The following MDM4 variants were observed in gnomAD, a reference collection of about 807,000 sequenced individuals.
MDM4 encodes MDM4 regulator of p53.
MDM4 carries 2 observed loss-of-function variants against 60.2 expected under a neutral mutation model. The observed-to-expected ratio is 0.03, with a 90% CI of 0.01 to 0.10. MDM4 has a LOEUF of 0.10. MDM4 is among the 10% of genes least tolerant of loss of function. The pLI is 1.00. For missense variants in MDM4, 447 were observed against 577.5 expected (o/e 0.77, Z 2.32); for synonymous variants, 202 against 198.1 (o/e 1.02, Z -0.17).
At chr1:204,532,738 C>G in intron 5 of MDM4, 2 of 1,604,542 alleles carry the variant, frequency 1.2e-6, no homozygotes, top group East Asian at 2.2e-5. Flanking sequence ...CTTAACTTTC[C>G]TTTTGTTTTC....
At chr1:204,547,543 G>A (rs148046785) in intron 10 of MDM4, among the ~76,000 whole-genome samples, 1 of 152,280 alleles carries the variant, frequency 6.6e-6, no homozygotes, top group East Asian at 1.9e-4. Flanking sequence ...ACATTTTGCT[G>A]CTTGGAAAGA....
chr1:204,519,499 C>T (rs1659335000), intron 1 of MDM4, among the ~76,000 whole-genome samples: 1 of 152,020 alleles, frequency 6.6e-6, no homozygotes, highest in African/African-American at 2.4e-5. Flanking sequence ...AAGAGCGAAA[C>T]TCCGTCTCAA....
intron 7 of MDM4, 144 bp from the exon 8 acceptor site, chr1:204,542,640 C>T (rs1475831276): frequency 3.3e-6 from 2 of 605,172 alleles, no homozygotes; most frequent in African/African-American, 1.9e-5. Context: ...GCCACTAAGA[C>T]AGATACTTGA....
intron 6 of MDM4, 178 bp from the exon 7 acceptor site, chr1:204,538,031 C>T: frequency 1.3e-6 from 1 of 769,314 alleles, no homozygotes; most frequent in Non-Finnish European, 2.4e-6. Context: ...TCTAGCTTTG[C>T]TCACAGTGGG....
chr1:204,553,110 T>TCATC lies in MDM4; in HGVS notation c.*3431_*3434dup, dbSNP rs1663342740. The TCATC allele has an allele frequency of 5.7e-6, 1 of 175,016 alleles. No individual in the cohort carries two copies. Among genetic ancestry groups the TCATC allele is most frequent in the African/African-American group, 2.4e-5 (1 of 42,184 alleles). 10.8% of individuals were successfully genotyped at this position (175,016 alleles called of 1,614,324 possible). On this transcript the variant is annotated 3_prime_UTR_variant, in exon 11 of 11. Coordinates refer to ENST00000367182, the MANE Select transcript of MDM4 (RefSeq NM_002393.5). ...CTGGTCTCGAACTCCTGACCTCAGG[T>TCATC]CATCCACCCACCTCAGCCTCGCAAA...
chr1:204,538,360 CTTTTTA>C, intron 7 of MDM4, 52 bp downstream of exon 7: 1 of 951,860 alleles, frequency 1.1e-6, no homozygotes, highest in Non-Finnish European at 1.7e-6. Context: ...CTCTTCCAAC[CTTTTTA>C]TTTTTAATCT....
intron 3 of MDM4, among the ~76,000 whole-genome samples, chr1:204,528,185 G>C (rs1439444687): frequency 6.6e-6 from 1 of 151,978 alleles, no homozygotes; most frequent in Non-Finnish European, 1.5e-5. Flanking sequence ...GCAAGGAGAG[G>C]TGACCACTGT....
intron 1 of MDM4, among the ~76,000 whole-genome samples, chr1:204,523,473 A>AATTT (rs1659780835): frequency 1.7e-5 from 1 of 58,968 alleles, no homozygotes. Context: ...CCTAAAAAAA[A>AATTT]TTTTTTTTTT....
intron 10 of MDM4, among the ~76,000 whole-genome samples, chr1:204,547,816 C>T (rs1157833573): frequency 2.6e-5 from 4 of 152,232 alleles, no homozygotes; most frequent in African/African-American, 4.8e-5. Flanking sequence ...TTCCGCCTCC[C>T]GGCTTCGAGC....
At chr1:204,521,876 T>C (rs1162300106) in intron 1 of MDM4, among the ~76,000 whole-genome samples, 1 of 152,188 alleles carries the variant, frequency 6.6e-6, no homozygotes, top group African/African-American at 2.4e-5. Context: ...AAATATGTAG[T>C]GTTTTGGTTG....
intron 3 of MDM4, among the ~76,000 whole-genome samples, chr1:204,528,374 CA>C (rs1187683545): frequency 1.3e-5 from 2 of 152,156 alleles, no homozygotes; most frequent in African/African-American, 4.8e-5. Context: ...CCACTGGTCC[CA>C]GGGGCAAATC....
chr1:204,549,790 C>T lies in MDM4; in HGVS notation c.*108C>T. 1.4e-6 allele frequency: 1 copy of T among 704,436 alleles called. No individual in the cohort carries two copies. The allele number at this position is 704,436 out of a possible 1,614,324, so 43.6% of individuals were successfully genotyped here. A position where few individuals can be genotyped will look rare whatever the true frequency, so the allele number is the denominator to read the frequency against. On this transcript the variant is annotated 3_prime_UTR_variant, in exon 11 of 11. Transcript: ENST00000367182. ...CAACCTGTCAGAGAATGTTCTTAGG[C>T]ATCAAAATCCAAGGTAGCTGTAAGA...
At position 204,555,951 on chromosome 1, in the gene MDM4, C is replaced by T. The variant is rs1247970750; in HGVS notation, c.*6269C>T. 1 of 202,206 alleles carries T rather than the reference C, an allele frequency of 4.9e-6. No homozygotes were observed. The highest frequency in any genetic ancestry group is 1.0e-5 in the Non-Finnish European group (1 of 98,758). The allele number at this position is 202,206 out of a possible 1,614,324, so 12.5% of individuals were successfully genotyped here. A position where few individuals can be genotyped will look rare whatever the true frequency, so the allele number is the denominator to read the frequency against. On this transcript the variant is annotated 3_prime_UTR_variant, in exon 11 of 11. Transcript: ENST00000367182. ...GTTTTTTTTTTTAAACAGTTAAGTA[C>T]TGATGTCAACAGACAAATATTTCTG... is the stretch of plus-strand genomic sequence containing the variant.
rs1661850273 is a variant in MDM4 at position 204,539,853 on chromosome 1, GA to G, written c.511+1546del. Among the ~76,000 whole-genome samples the G allele has an allele frequency of 6.6e-5, 10 of 152,118 alleles. No homozygotes were observed. The South Asian group carries it at 2.1e-3, about 32-fold the overall frequency. On this transcript the variant is annotated intron_variant, in intron 7 of 10. Coordinates refer to ENST00000367182, the MANE Select transcript of MDM4 (RefSeq NM_002393.5). Reference sequence around the variant, plus strand: ...CCAGCCTCTGAAAACTTTTTCACATGACACCACAAGTAGAAAATTTAACACC... The same window carrying G: ...CCAGCCTCTGAAAACTTTTTCACATGCACCACAAGTAGAAAATTTAACACC...
At position 204,542,637 on chromosome 1, in the gene MDM4, A is replaced by G. The variant is rs573787168; in HGVS notation, c.512-147A>G. ...GGAGGAGATTTGAGCTCTGCCACTA[A>G]GACAGATACTTGATTTCTGGTTCTT... On this transcript the variant is annotated intron_variant, in intron 7 of 10. Coordinates refer to ENST00000367182, the MANE Select transcript of MDM4 (RefSeq NM_002393.5). 8.4e-6 allele frequency: 5 copies of G among 596,254 alleles called. 1 individual carries two copies. Among genetic ancestry groups the G allele is most frequent in the Non-Finnish European group, 1.4e-5 (5 of 359,886 alleles). 36.9% of individuals were successfully genotyped at this position (596,254 alleles called of 1,614,324 possible). A position where few individuals can be genotyped will look rare whatever the true frequency, so the allele number is the denominator to read the frequency against.
Position 204,549,152 on chromosome 1 carries a change from C to A in MDM4, c.943C>A (p.Pro315Thr). 6.2e-7 allele frequency: 1 copy of A among 1,612,996 alleles called. No individual in the cohort carries two copies. Among genetic ancestry groups the A allele is most frequent in the Non-Finnish European group, 8.5e-7 (1 of 1,179,458 alleles). ...TACTGAATGCAAGAAATTTAACTCT[C>A]CAAGCAAGAGGTACTGTTTTCGTTG... is the stretch of plus-strand genomic sequence containing the variant. Reference protein sequence around the residue: ...QCTECKKFNSPSKRYCFRCWA... With the variant: ...QCTECKKFNSTSKRYCFRCWA... Residue 315 changes from proline (P) to threonine (T), a missense_variant, in exon 11 of 11, where the codon CCA becomes ACA. Physicochemically the swap from Pro to Thr is conservative, Grantham distance 38. This residue lies in a region of MDM4 where 21 missense variants were observed against 46.7 expected (regional missense o/e 0.45). Coordinates refer to ENST00000367182, the MANE Select transcript of MDM4 (RefSeq NM_002393.5).
intron 1 of MDM4, among the ~76,000 whole-genome samples, chr1:204,517,793 A>C (rs1283405768): frequency 6.6e-6 from 1 of 152,122 alleles, no homozygotes; most frequent in African/African-American, 2.4e-5. Context: ...GATACTTGGA[A>C]CCTCTTGGTG....
In MDM4 at chr1:204,529,441, C is replaced by CTGTACCATCATTTGGTCCTCCTGGAGT. The variant is rs1206542224; in HGVS notation, c.154-1241_154-1215dup. On this transcript the variant is annotated intron_variant, in intron 3 of 10. Coordinates refer to ENST00000367182, the MANE Select transcript of MDM4 (RefSeq NM_002393.5). ...GGCTGACCATAGGGGCCCCCTGGAG[C>CTGTACCATCATTTGGTCCTCCTGGAGT]TGTACCATCATTTGGTCCTCCTGGA... is the stretch of plus-strand genomic sequence containing the variant. 1.2e-4 allele frequency: 173 copies of CTGTACCATCATTTGGTCCTCCTGGAGT among 1,499,812 alleles called. No homozygotes were observed. In the East Asian group the frequency reaches 3.6e-3, roughly 32 times the overall value. The allele number at this position is 1,499,812 out of a possible 1,614,324, so 92.9% of individuals were successfully genotyped here.
chr1:204,540,711 C>A (rs530521924), intron 7 of MDM4, among the ~76,000 whole-genome samples: 1 of 152,074 alleles, frequency 6.6e-6, no homozygotes, highest in South Asian at 2.1e-4. Flanking sequence ...TGCAGTGAGC[C>A]GAGATCGCGC....
Sources: allele counts gnomAD v4.1 joint callset (sites outside exome capture counted in the v4.1 genomes callset), GRCh38; gene constraint gnomAD v4.1.1; regional missense constraint gnomAD v4.1.1; transcripts MANE v1.5; gene names NCBI Gene and HGNC (gene_info 2026-07-23, HGNC 2026-07-21).